Variants in DPP10 observed in about 807,000 individuals in gnomAD.
The protein encoded by DPP10 is inactive dipeptidyl peptidase 10.
DPP10 carries 33 observed loss-of-function variants against 120.9 expected under a neutral mutation model. That is an observed-to-expected ratio of 0.27 (90% CI 0.21 to 0.37). The LOEUF is 0.37. DPP10 is among the 10% of genes least tolerant of loss of function. The pLI is 1.00. For synonymous variants in DPP10, 337 were observed against 326.1 expected (o/e 1.03, Z -0.36); for missense variants, 816 against 942.8 (o/e 0.87, Z 1.76).
At chr2:115,447,461 G>T (rs986567668) in intron 3 of DPP10, among the ~76,000 whole-genome samples, 4 of 152,102 alleles carry the variant, frequency 2.6e-5, no homozygotes, top group Non-Finnish European at 5.9e-5. Flanking sequence ...ATTTGGGAGG[G>T]GCTAGGGGTG....
intron 1 of DPP10, among the ~76,000 whole-genome samples, chr2:114,800,481 A>G (rs1194257084): frequency 6.6e-6 from 1 of 152,242 alleles, no homozygotes; most frequent in African/African-American, 2.4e-5. Flanking sequence ...AAATTAGACT[A>G]GAAAACAGCC....
chr2:115,284,864 T>C (rs954030804), intron 1 of DPP10, among the ~76,000 whole-genome samples: 5 of 152,046 alleles, frequency 3.3e-5, no homozygotes, highest in Admixed American at 6.6e-5. Context: ...TTCTTTCCCT[T>C]AGAACTTATC....
intron 1 of DPP10, among the ~76,000 whole-genome samples, chr2:114,453,784 T>C (rs187609741): frequency 3.9e-5 from 6 of 152,338 alleles, no homozygotes; most frequent in African/African-American, 7.2e-5. Context: ...AAAAACTGTA[T>C]ACTAAATGGC....
At chr2:115,142,196 C>T (rs558252306) in intron 1 of DPP10, among the ~76,000 whole-genome samples, 2 of 152,264 alleles carry the variant, frequency 1.3e-5, no homozygotes, top group South Asian at 2.1e-4. Flanking sequence ...GGCTGCACTC[C>T]TCTTGCCTGT....
intron 1 of DPP10, among the ~76,000 whole-genome samples, chr2:114,889,770 C>A (rs982922790): frequency 5.9e-5 from 9 of 152,096 alleles, no homozygotes; most frequent in African/African-American, 2.2e-4. Flanking sequence ...TTTAAGACAT[C>A]TAGAAATTTG....
chr2:115,675,508 A>G (rs4485579), intron 5 of DPP10, among the ~76,000 whole-genome samples: 144,138 of 152,188 alleles, frequency 0.95, 68,605 homozygotes, highest in Non-Finnish European at 1. Context: ...GATGAAGACC[A>G]TCTGAGGCAT....
At chr2:114,740,474 T>A (rs374867606) in intron 1 of DPP10, among the ~76,000 whole-genome samples, 2 of 148,640 alleles carry the variant, frequency 1.3e-5, no homozygotes, top group East Asian at 2.0e-4. Flanking sequence ...AACCTGCACA[T>A]TGTGCACATG....
chr2:115,798,212 G>A (rs1024172442), intron 19 of DPP10, among the ~76,000 whole-genome samples: 1 of 151,836 alleles, frequency 6.6e-6, no homozygotes, highest in East Asian at 1.9e-4. Context: ...CTTAGTTTTA[G>A]ATGGTCATAT....
chr2:115,695,658 G>T (rs2091545107), intron 7 of DPP10, among the ~76,000 whole-genome samples: 1 of 152,058 alleles, frequency 6.6e-6, no homozygotes, highest in Non-Finnish European at 1.5e-5. Context: ...AAAATTCAAG[G>T]TGCAATTTCA....
At chr2:114,958,157 G>A (rs774808023) in intron 1 of DPP10, among the ~76,000 whole-genome samples, 1 of 152,170 alleles carries the variant, frequency 6.6e-6, no homozygotes, top group Non-Finnish European at 1.5e-5. Flanking sequence ...ACAGAAATCA[G>A]AAGTGAGGCA....
At chr2:114,993,580 G>GTATATATATATATATA (rs59593945) in intron 1 of DPP10, among the ~76,000 whole-genome samples, 2,877 of 96,860 alleles carry the variant, frequency 0.03, 93 homozygotes, top group East Asian at 0.043. Context: ...GTGTGTGTGT[G>GTATATATATATATATA]TATATATATA....
intron 1 of DPP10, among the ~76,000 whole-genome samples, chr2:114,556,059 G>A (rs1371948796): frequency 6.6e-6 from 1 of 151,832 alleles, no homozygotes; most frequent in Non-Finnish European, 1.5e-5. Flanking sequence ...GAAGGAATTG[G>A]AGAGATCTGA....
In DPP10 at chr2:115,832,424, C is replaced by T. The variant is rs138591412; in HGVS notation, c.1951-3733C>T. Among the ~76,000 whole-genome samples the T allele has an allele frequency of 3.0e-4, 45 of 152,240 alleles. No individual in the cohort carries two copies. In the East Asian group the frequency reaches 6.4e-3, roughly 22 times the overall value. On this transcript the variant is annotated intron_variant, in intron 21 of 25. Coordinates refer to ENST00000410059, the MANE Select transcript of DPP10 (RefSeq NM_020868.6). ...AGGTCTGCTTAAGCCTGGGAGGCAGCGGTTGCGATGAGCAGAGATTGTGCC... is the reference window on the plus strand; with the variant it reads ...AGGTCTGCTTAAGCCTGGGAGGCAGTGGTTGCGATGAGCAGAGATTGTGCC...
chr2:114,598,203 G>A (rs183699354), intron 1 of DPP10, among the ~76,000 whole-genome samples: 2 of 152,050 alleles, frequency 1.3e-5, no homozygotes, highest in African/African-American at 2.4e-5. Context: ...CAGGGCTAAA[G>A]TGGCTAACTT....
intron 1 of DPP10, among the ~76,000 whole-genome samples, chr2:114,650,128 T>C (rs1696467222): frequency 6.6e-6 from 1 of 152,208 alleles, no homozygotes; most frequent in South Asian, 2.1e-4. Context: ...AGTCTCTGTA[T>C]TCCAGTTTGT....
Position 115,309,350 on chromosome 2 carries a change from C to T in DPP10, c.172C>T (p.Pro58Ser). Residue 58 changes from proline (P) to serine (S), a missense_variant, in exon 2 of 26, where the codon CCA becomes TCA. By Grantham distance (74) the Pro-to-Ser change is moderately conservative. Around this residue, in one of 3 missense-constraint regions of DPP10, gnomAD observed 182 missense variants for 207.4 expected, o/e 0.88. Transcript: ENST00000410059. ...LITMSVILLT[P>S]DELTNSSETR... is the part of the protein sequence containing the mutation. ...CACTATGTCAGTCATCCTCTTAACCCCAGGTAATCTGTCTTTATTCCTCTC... is the reference window on the plus strand; with the variant it reads ...CACTATGTCAGTCATCCTCTTAACCTCAGGTAATCTGTCTTTATTCCTCTC... The T allele has an allele frequency of 6.2e-7, 1 of 1,612,330 alleles. No individual in the cohort carries two copies. Among genetic ancestry groups the T allele is most frequent in the Non-Finnish European group, 8.5e-7 (1 of 1,178,856 alleles).
At chr2:114,566,224 T>C (rs1689190564) in intron 1 of DPP10, among the ~76,000 whole-genome samples, 1 of 152,128 alleles carries the variant, frequency 6.6e-6, no homozygotes, top group East Asian at 1.9e-4. Flanking sequence ...GGAAGAACAT[T>C]CTGGGCTCAG....
chr2:115,244,846 C>CAT lies in DPP10; in HGVS notation c.61-64383_61-64382dup, dbSNP rs57631333. On this transcript the variant is annotated intron_variant, in intron 1 of 25. Coordinates refer to ENST00000410059, the MANE Select transcript of DPP10 (RefSeq NM_020868.6). Reference sequence around the variant, plus strand: ...ATATATGTATGCACATATATATATACATATATATATAATTTCATTAGTTTG... The same window carrying CAT: ...ATATATGTATGCACATATATATATACATATATATATATAATTTCATTAGTTTG... Among the ~76,000 whole-genome samples the CAT allele has an allele frequency of 1.8e-4, 26 of 143,624 alleles. No individual in the cohort carries two copies. The East Asian group carries it at 4.0e-3, about 22-fold the overall frequency. The allele number at this position is 143,624 out of a possible 152,430, so 94.2% of individuals were successfully genotyped here. A position where few individuals can be genotyped will look rare whatever the true frequency, so the allele number is the denominator to read the frequency against.
intron 1 of DPP10, among the ~76,000 whole-genome samples, chr2:115,173,737 C>G (rs1479226144): frequency 6.6e-6 from 1 of 152,102 alleles, no homozygotes; most frequent in African/African-American, 2.4e-5. Context: ...CTCTGAGAGT[C>G]TTAAATAATA....
Sources: allele counts gnomAD v4.1 joint callset (sites outside exome capture counted in the v4.1 genomes callset), GRCh38; gene constraint gnomAD v4.1.1; regional missense constraint gnomAD v4.1.1; transcripts MANE v1.5; gene names NCBI Gene and HGNC (gene_info 2026-07-23, HGNC 2026-07-21).